The following CACNA1D variants were observed in gnomAD, a reference collection of about 807,000 sequenced individuals.
CACNA1D encodes the protein voltage-dependent L-type calcium channel subunit alpha-1D.
Under a neutral mutation model 257.1 loss-of-function variants are expected in CACNA1D, and 55 were observed. The observed-to-expected ratio is 0.21, with a 90% CI of 0.17 to 0.27. CACNA1D has a LOEUF of 0.27. Ranked by LOEUF, CACNA1D falls within the 10% of genes least tolerant of loss-of-function variation. CACNA1D has a pLI of 1.00. For synonymous variants in CACNA1D, 980 were observed against 1,014.9 expected, an observed-to-expected ratio of 0.97 and a Z score of 0.65; for missense variants, 1,876 against 2,784.0, an observed-to-expected ratio of 0.67 and a Z score of 7.34.
chr3:53,750,363 G>C (rs2095214510), intron 27 of CACNA1D, among the ~76,000 whole-genome samples: 1 of 152,174 alleles, frequency 6.6e-6, no homozygotes, highest in African/African-American at 2.4e-5. Context: ...ACAAGATCGA[G>C]ATTCTTTTCT....
At chr3:53,539,325 G>A (rs759764143) in intron 3 of CACNA1D, among the ~76,000 whole-genome samples, 2 of 151,982 alleles carry the variant, frequency 1.3e-5, no homozygotes, top group Non-Finnish European at 2.9e-5. Context: ...AGCCAGGCTG[G>A]CCTTGAACTC....
At chr3:53,797,736 G>A (rs991587433) in intron 40 of CACNA1D, 2 of 152,154 alleles carry the variant, frequency 1.3e-5, no homozygotes, top group Admixed American at 6.5e-5. Context: ...CGTCAACAGA[G>A]GATGATGTTA....
intron 3 of CACNA1D, among the ~76,000 whole-genome samples, chr3:53,580,452 C>T (rs146474139): frequency 6.6e-6 from 1 of 152,188 alleles, no homozygotes; most frequent in Non-Finnish European, 1.5e-5. Flanking sequence ...CTCTGCATCT[C>T]CCATCGTACC....
chr3:53,592,205 G>T (rs1425677465), intron 3 of CACNA1D, among the ~76,000 whole-genome samples: 1 of 152,230 alleles, frequency 6.6e-6, no homozygotes, highest in Non-Finnish European at 1.5e-5. Flanking sequence ...GATTCTAGCA[G>T]GGAAGACTTA....
At chr3:53,794,516 G>A (rs1306293078) in intron 40 of CACNA1D, among the ~76,000 whole-genome samples, 1 of 152,114 alleles carries the variant, frequency 6.6e-6, no homozygotes, top group Non-Finnish European at 1.5e-5. Flanking sequence ...CAGAAGAGTG[G>A]GAATCCTAGA....
intron 29 of CACNA1D, among the ~76,000 whole-genome samples, chr3:53,760,343 TG>T (rs1303721961): frequency 2.0e-5 from 3 of 152,238 alleles, no homozygotes; most frequent in African/African-American, 7.2e-5. Context: ...TGGCTTCTTC[TG>T]GGTCTGTGTT....
At position 53,497,436 on chromosome 3, in the gene CACNA1D, G is replaced by T. The variant is rs1377748587; in HGVS notation, c.352G>T (p.Ala118Ser). 8.7e-6 allele frequency: 14 copies of T among 1,614,168 alleles called. No homozygotes were observed. Among genetic ancestry groups the T allele is most frequent in the Non-Finnish European group, 1.2e-5 (14 of 1,180,040 alleles). ...CLSLNNPIRR[A>S]CISIVEWKPF... is the part of the protein sequence containing the mutation. Reference sequence around the variant, plus strand: ...ATCACTCAATAACCCCATCCGAAGAGCCTGCATTAGTATAGTGGAATGGAA... The same window carrying T: ...ATCACTCAATAACCCCATCCGAAGATCCTGCATTAGTATAGTGGAATGGAA... Residue 118 changes from alanine (A) to serine (S), a missense_variant, in exon 2 of 48, where the codon GCC becomes TCC. Around this residue, in one of 10 missense-constraint regions of CACNA1D, gnomAD observed 143 missense variants for 168.7 expected, o/e 0.85. Coordinates refer to ENST00000350061, the MANE Select transcript of CACNA1D (RefSeq NM_001128840.3).
rs77510592 is a variant in CACNA1D at position 53,596,966 on chromosome 3, T to C, written c.484-53813T>C. Among the ~76,000 whole-genome samples the C allele has an allele frequency of 6.0e-3, 913 of 152,322 alleles. 13 individuals carry two copies. The highest frequency in any genetic ancestry group is 0.021 in the African/African-American group (866 of 41,572). ...AGGCTGAGAACTGGACCATGTGACT[T>C]TTGGCATTCCTTCAAGTTCTAGATT... is the stretch of plus-strand genomic sequence containing the variant. On this transcript the variant is annotated intron_variant, in intron 3 of 47. Coordinates refer to ENST00000350061, the MANE Select transcript of CACNA1D (RefSeq NM_001128840.3).
intron 3 of CACNA1D, among the ~76,000 whole-genome samples, chr3:53,640,476 A>T (rs2093937739): frequency 1.3e-5 from 2 of 152,152 alleles, no homozygotes; most frequent in Non-Finnish European, 1.5e-5. Context: ...TTTTGTGTAG[A>T]GATGGGATCT....
intron 3 of CACNA1D, among the ~76,000 whole-genome samples, chr3:53,521,904 T>A (rs1398459741): frequency 6.6e-6 from 1 of 151,122 alleles, no homozygotes; most frequent in Non-Finnish European, 1.5e-5. Flanking sequence ...GAGGCAGGAT[T>A]GCTTGAGGCC....
In CACNA1D at chr3:53,523,520, T is replaced by C. The variant is rs77915569; in HGVS notation, c.483+21800T>C. On this transcript the variant is annotated intron_variant, in intron 3 of 47. Transcript: ENST00000350061. ...CACAGTGGCACAACTGAGACTGGCA[T>C]CCAGGGCCTCTGGCGCTTCGCCATA... is the stretch of plus-strand genomic sequence containing the variant. Among the ~76,000 whole-genome samples the C allele has an allele frequency of 8.0e-3, 1,216 of 152,348 alleles. 94 individuals carry two copies. In the South Asian group the frequency reaches 0.15, roughly 19 times the overall value.
chr3:53,641,566 T>G (rs1443867106), intron 3 of CACNA1D, among the ~76,000 whole-genome samples: 4 of 151,952 alleles, frequency 2.6e-5, no homozygotes, highest in African/African-American at 4.8e-5. Context: ...GGGCAGTGCC[T>G]TAGAGGTGAA....
intron 30 of CACNA1D, among the ~76,000 whole-genome samples, chr3:53,763,310 A>G (rs1357996156): frequency 1.3e-5 from 2 of 152,204 alleles, no homozygotes; most frequent in Non-Finnish European, 2.9e-5. Context: ...GGCATTGTAG[A>G]TGGAGTGAAC....
At chr3:53,560,700 T>A (rs1286012644) in intron 3 of CACNA1D, among the ~76,000 whole-genome samples, 2 of 152,214 alleles carry the variant, frequency 1.3e-5, no homozygotes, top group Admixed American at 1.3e-4. Flanking sequence ...AATTAAACTA[T>A]TGATTGACAC....
intron 40 of CACNA1D, chr3:53,792,208 G>A (rs1355733678): frequency 2.0e-5 from 3 of 152,160 alleles, no homozygotes; most frequent in African/African-American, 7.2e-5. Flanking sequence ...GTCAACAGAG[G>A]TAACCCTGCA....
intron 9 of CACNA1D, among the ~76,000 whole-genome samples, chr3:53,716,623 A>G (rs915797278): frequency 1.3e-5 from 2 of 152,048 alleles, no homozygotes; most frequent in African/African-American, 4.8e-5. Context: ...ATAATGAAAA[A>G]GTAAATCAAG....
intron 43 of CACNA1D, among the ~76,000 whole-genome samples, 196 bp downstream of exon 43, chr3:53,802,369 C>T (rs1483507130): frequency 2.0e-5 from 3 of 152,240 alleles, no homozygotes; most frequent in Admixed American, 1.3e-4. Context: ...TCTCTGTCGA[C>T]TCTGTTGCCA....
intron 7 of CACNA1D, 66 bp downstream of exon 7, chr3:53,666,601 G>A: frequency 3.8e-6 from 5 of 1,320,822 alleles, no homozygotes; most frequent in Non-Finnish European, 5.5e-6. Flanking sequence ...TTGTGAGCTA[G>A]AGCCACTGGA....
chr3:53,723,324 G>C lies in CACNA1D; in HGVS notation c.1667-110G>C. 1 of 806,578 alleles carries C rather than the reference G, an allele frequency of 1.2e-6. No homozygotes were observed. The highest frequency in any genetic ancestry group is 2.2e-6 in the Non-Finnish European group (1 of 454,078). The allele number at this position is 806,578 out of a possible 1,614,324, so 50.0% of individuals were successfully genotyped here. The stretch of plus-strand genomic sequence containing the variant: ...GTGAGGTAGTGAAGAGAGAGACAAG[G>C]TATTGGCGTATTTCCTGTGGGGCCT... On this transcript the variant is annotated intron_variant, in intron 12 of 47. Coordinates refer to ENST00000350061, the MANE Select transcript of CACNA1D (RefSeq NM_001128840.3). This position sits in a 1 kb window ranked among gnomAD's most constrained non-coding sequence, Gnocchi z 5.6.
Sources: allele counts gnomAD v4.1 joint callset (sites outside exome capture counted in the v4.1 genomes callset), GRCh38; gene constraint gnomAD v4.1.1; regional missense constraint gnomAD v4.1.1; non-coding constraint Gnocchi (gnomAD v3.1); transcripts MANE v1.5; gene names NCBI Gene and HGNC (gene_info 2026-07-23, HGNC 2026-07-21).